The following RBMS3 variants were observed in gnomAD, a reference collection of about 807,000 sequenced individuals.
RBMS3 encodes the protein RNA-binding motif, single-stranded-interacting protein 3.
RBMS3 carries 27 observed loss-of-function variants against 66.8 expected under a neutral mutation model. That is an observed-to-expected ratio of 0.40 (90% CI 0.30 to 0.56). The LOEUF (loss-of-function observed/expected upper bound fraction) is 0.56, where lower values mean the gene tolerates loss of function less well. Ranked by LOEUF, RBMS3 falls within the 20% of genes least tolerant of loss-of-function variation. RBMS3 has a pLI of 0.40. For missense variants in RBMS3, 513 were observed against 549.5 expected, an observed-to-expected ratio of 0.93 and a Z score of 0.66; for synonymous variants, 188 against 183.0, an observed-to-expected ratio of 1.03 and a Z score of -0.22.
At chr3:29,535,282 A>G (rs2045510992) in intron 3 of RBMS3, among the ~76,000 whole-genome samples, 1 of 152,168 alleles carries the variant, frequency 6.6e-6, no homozygotes, top group Non-Finnish European at 1.5e-5. Flanking sequence ...GATTTTGAAA[A>G]TGTCACTTTG....
rs373161333 is a variant in RBMS3 at position 29,317,973 on chromosome 3, T to TTTCAAC, written c.75+36218_75+36219insTCAACT. ...TGAATGCAATCTTATTTTATCTTAG[T>TTTCAAC]TAATTTTTTTCCCAAGAATTCCTTT... On this transcript the variant is annotated intron_variant, in intron 1 of 14. Coordinates refer to ENST00000383767, the MANE Select transcript of RBMS3 (RefSeq NM_001003793.3). 2.7e-3 allele frequency among the ~76,000 whole-genome samples: 409 copies of TTTCAAC among 151,944 alleles called. 1 individual carries two copies. The highest frequency in any genetic ancestry group is 9.1e-3 in the African/African-American group (379 of 41,504).
chr3:29,704,399 AT>A (rs1287914082), intron 4 of RBMS3, among the ~76,000 whole-genome samples: 1 of 152,080 alleles, frequency 6.6e-6, no homozygotes, highest in Non-Finnish European at 1.5e-5. Flanking sequence ...CAGTGTTGAA[AT>A]ACAGATGCAT....
chr3:29,388,715 G>A lies in RBMS3; in HGVS notation c.76-46028G>A, dbSNP rs535613880. 2.0e-5 allele frequency among the ~76,000 whole-genome samples: 3 copies of A among 152,220 alleles called. No homozygotes were observed. The South Asian group carries it at 6.2e-4, about 32-fold the overall frequency. ...CGAGTAGCTGGGACTACAGGCAACC[G>A]CCACTATGCCCAGCTAATTTTAGTA... On this transcript the variant is annotated intron_variant, in intron 1 of 14. Transcript: ENST00000383767.
chr3:29,577,349 G>A (rs1210304435), intron 3 of RBMS3, among the ~76,000 whole-genome samples: 1 of 152,160 alleles, frequency 6.6e-6, no homozygotes, highest in African/African-American at 2.4e-5. Context: ...TCATTGCTGT[G>A]AGCTGCCTTA....
At chr3:29,725,715 T>C (rs559472815) in intron 4 of RBMS3, among the ~76,000 whole-genome samples, 1 of 152,144 alleles carries the variant, frequency 6.6e-6, no homozygotes, top group South Asian at 2.1e-4. Flanking sequence ...AGACAGTAAT[T>C]AATACGCTAC....
chr3:29,575,283 G>GTTT (rs746440704), intron 3 of RBMS3, among the ~76,000 whole-genome samples: 1 of 145,600 alleles, frequency 6.9e-6, no homozygotes. Flanking sequence ...AAGGGTAAAA[G>GTTT]TTTTTTTTTT....
At chr3:29,504,054 T>C (rs2148942281) in intron 3 of RBMS3, among the ~76,000 whole-genome samples, 1 of 152,248 alleles carries the variant, frequency 6.6e-6, no homozygotes, top group South Asian at 2.1e-4. Context: ...CCACATTAGC[T>C]AACTGCACAC....
chr3:29,355,500 A>C (rs2037168091), intron 1 of RBMS3, among the ~76,000 whole-genome samples: 1 of 152,054 alleles, frequency 6.6e-6, no homozygotes, highest in African/African-American at 2.4e-5. Context: ...ACTTCCTAAC[A>C]CATTACCTAT....
chr3:29,428,288 TGCAACTA>T (rs1047971357), intron 1 of RBMS3, among the ~76,000 whole-genome samples: 4 of 152,042 alleles, frequency 2.6e-5, no homozygotes, highest in Non-Finnish European at 4.4e-5. Context: ...GAGAGGGCAG[TGCAACTA>T]GCATCTAGTA....
chr3:30,003,019 T>C, intron 14 of RBMS3, among the ~76,000 whole-genome samples: 1 of 152,042 alleles, frequency 6.6e-6, no homozygotes, highest in East Asian at 1.9e-4. Context: ...CATAACTTTT[T>C]GCTGGCATCC....
intron 1 of RBMS3, among the ~76,000 whole-genome samples, chr3:29,386,813 C>T (rs572514919): frequency 1.3e-5 from 2 of 152,198 alleles, no homozygotes; most frequent in African/African-American, 4.8e-5. Context: ...CCTAAAGCCA[C>T]TTCAATCATG....
At chr3:29,311,713 A>G (rs949468378) in intron 1 of RBMS3, among the ~76,000 whole-genome samples, 3 of 151,852 alleles carry the variant, frequency 2.0e-5, no homozygotes, top group Non-Finnish European at 4.4e-5. Flanking sequence ...ACATTTAGAA[A>G]GGTTTGCTTG....
chr3:29,286,987 T>G (rs1043006632), intron 1 of RBMS3, among the ~76,000 whole-genome samples: 1 of 152,122 alleles, frequency 6.6e-6, no homozygotes, highest in Non-Finnish European at 1.5e-5. Flanking sequence ...TTAAATAGTG[T>G]AATATCAAAA....
At position 29,781,427 on chromosome 3, in the gene RBMS3, C is replaced by T. The variant is rs142662250; in HGVS notation, c.637+18438C>T. ...CAGTATTTCATTAAATGGTTTTATACCGCATTTTATTCTCCAGCTGAATAT... is the reference window on the plus strand; with the variant it reads ...CAGTATTTCATTAAATGGTTTTATATCGCATTTTATTCTCCAGCTGAATAT... On this transcript the variant is annotated intron_variant, in intron 6 of 14. Coordinates refer to ENST00000383767, the MANE Select transcript of RBMS3 (RefSeq NM_001003793.3). 5.5e-3 allele frequency among the ~76,000 whole-genome samples: 838 copies of T among 152,112 alleles called. 13 individuals are homozygous for T. Among genetic ancestry groups the T allele is most frequent in the Middle Eastern group, 0.027 (8 of 294 alleles).
At chr3:29,287,132 G>A (rs995445372) in intron 1 of RBMS3, among the ~76,000 whole-genome samples, 1 of 152,072 alleles carries the variant, frequency 6.6e-6, no homozygotes, top group African/African-American at 2.4e-5. Context: ...GCTATTTTTT[G>A]CAGTAGTGGG....
chr3:29,897,596 A>G, intron 9 of RBMS3, 121 bp downstream of exon 9: 1 of 819,164 alleles, frequency 1.2e-6, no homozygotes, highest in Non-Finnish European at 2.0e-6. Flanking sequence ...ATCACATCTT[A>G]ATGTAATAAT....
intron 1 of RBMS3, among the ~76,000 whole-genome samples, chr3:29,291,055 A>C (rs573583931): frequency 6.6e-6 from 1 of 152,104 alleles, no homozygotes; most frequent in South Asian, 2.1e-4. Context: ...AAAAAAACCT[A>C]ATCTACAAAT....
intron 4 of RBMS3, among the ~76,000 whole-genome samples, chr3:29,661,148 T>C (rs2050530233): frequency 6.6e-6 from 1 of 152,164 alleles, no homozygotes; most frequent in Non-Finnish European, 1.5e-5. Context: ...TTAACCACAA[T>C]TTATCATCCA....
At chr3:29,368,446 G>C (rs975564599) in intron 1 of RBMS3, among the ~76,000 whole-genome samples, 2 of 151,928 alleles carry the variant, frequency 1.3e-5, no homozygotes, top group African/African-American at 4.8e-5. Context: ...TAGGTATCTA[G>C]TGGCACTTAA....
Sources: gnomAD v4.1 joint callset for allele counts (sites outside exome capture counted in the v4.1 genomes callset) on GRCh38, gnomAD v4.1.1 for gene constraint, MANE v1.5 for transcripts, NCBI Gene and HGNC (gene_info 2026-07-23, HGNC 2026-07-21) for gene names.